CELF1: variants seen among roughly 807,000 people sequenced by gnomAD.
CELF1 encodes 50 kDa nuclear polyadenylated RNA-binding protein.
CELF1 carries 10 observed loss-of-function variants against 61.8 expected under a neutral mutation model. The observed-to-expected ratio is 0.16, with a 90% CI of 0.10 to 0.27. CELF1 has a LOEUF of 0.27. CELF1 is among the 10% of genes least tolerant of loss of function. CELF1 has a pLI of 1.00. For synonymous variants in CELF1, 236 were observed against 225.1 expected (o/e 1.05, Z -0.43); for missense variants, 380 against 639.1 (o/e 0.59, Z 4.37).
At chr11:47,479,799 A>G (rs1234335636) in intron 9 of CELF1, among the ~76,000 whole-genome samples, 3 of 152,150 alleles carry the variant, frequency 2.0e-5, no homozygotes, top group Non-Finnish European at 4.4e-5. Context: ...CCTTTTATTC[A>G]ACCTGTTTCC....
intron 1 of CELF1, among the ~76,000 whole-genome samples, chr11:47,532,051 GAC>G (rs1472554929): frequency 2.0e-5 from 3 of 149,070 alleles, no homozygotes; most frequent in Admixed American, 6.7e-5. Flanking sequence ...TTTTTTTTGA[GAC>G]AGAGTCTCGC....
intron 1 of CELF1, among the ~76,000 whole-genome samples, chr11:47,503,528 A>T (rs1203408419): frequency 6.6e-6 from 1 of 152,184 alleles, no homozygotes; most frequent in Non-Finnish European, 1.5e-5. Flanking sequence ...AATCACCATC[A>T]ATCTATATGA....
chr11:47,542,163 A>G (rs888850204), intron 1 of CELF1, among the ~76,000 whole-genome samples: 1 of 152,110 alleles, frequency 6.6e-6, no homozygotes, highest in Non-Finnish European at 1.5e-5. Context: ...TGAGGTCAGG[A>G]GTTCGAGACC....
rs1002122444 is a variant in CELF1, at chr11:47,471,725, C to G, written c.*505G>C. The G allele has an allele frequency of 6.5e-6, 1 of 152,992 alleles. No homozygotes were observed. Among genetic ancestry groups the G allele is most frequent in the Non-Finnish European group, 1.5e-5 (1 of 68,574 alleles). 9.5% of individuals were successfully genotyped at this position (152,992 alleles called of 1,614,324 possible). On this transcript the variant is annotated 3_prime_UTR_variant, in exon 15 of 15. Coordinates refer to ENST00000687097, the MANE Select transcript of CELF1 (RefSeq NM_001376376.1). ...CACTCCACTCTTCCCCAAAGCCGCT[C>G]TGCTCCCCACAGCTCCCAGGTGTCA...
intron 10 of CELF1, among the ~76,000 whole-genome samples, chr11:47,477,916 C>A (rs576861788): frequency 6.6e-5 from 10 of 152,288 alleles, no homozygotes; most frequent in Admixed American, 2.6e-4. Flanking sequence ...AAGACACTGT[C>A]ACTTGAATAG....
chr11:47,488,764 A>G (rs2089329411), intron 4 of CELF1, 73 bp downstream of exon 4: 6 of 1,229,346 alleles, frequency 4.9e-6, no homozygotes, highest in Non-Finnish European at 6.4e-6. Context: ...GTATCCTGTT[A>G]AAAACCCAAA....
intron 9 of CELF1, among the ~76,000 whole-genome samples, chr11:47,481,099 CTTCTTTTTTT>C (rs2082902518): frequency 8.0e-5 from 5 of 62,296 alleles, no homozygotes; most frequent in Non-Finnish European, 1.6e-4. Context: ...TTTTTTTCTT[CTTCTTTTTTT>C]TTTTTTTTTT....
intron 3 of CELF1, among the ~76,000 whole-genome samples, chr11:47,495,691 T>C (rs1447931234): frequency 2.0e-5 from 3 of 152,158 alleles, no homozygotes; most frequent in African/African-American, 4.8e-5. Context: ...GTCAGAAAGA[T>C]ACACTTTCTA....
intron 1 of CELF1, among the ~76,000 whole-genome samples, chr11:47,513,133 A>G (rs2095330553): frequency 6.6e-6 from 1 of 152,222 alleles, no homozygotes; most frequent in African/African-American, 2.4e-5. Context: ...TCTCTAAACA[A>G]GTTTTTAAAC....
chr11:47,474,585 T>G (rs896600922), intron 13 of CELF1, among the ~76,000 whole-genome samples: 5 of 152,250 alleles, frequency 3.3e-5, no homozygotes, highest in Admixed American at 2.6e-4. Flanking sequence ...TACATTCTCC[T>G]ACTACCACAT....
intron 1 of CELF1, among the ~76,000 whole-genome samples, chr11:47,564,677 G>A (rs2097238924): frequency 6.6e-6 from 1 of 151,994 alleles, no homozygotes; most frequent in Non-Finnish European, 1.5e-5. Flanking sequence ...TGTAATCCCA[G>A]CTACTCAGGA....
intron 3 of CELF1, among the ~76,000 whole-genome samples, chr11:47,492,489 G>T (rs1052578161): frequency 4.6e-5 from 7 of 152,172 alleles, no homozygotes; most frequent in Non-Finnish European, 1.0e-4. Flanking sequence ...AGCAACTGTG[G>T]GAGGCCGAGG....
At chr11:47,495,979 T>C (rs1393981490) in intron 3 of CELF1, 4 of 985,256 alleles carry the variant, frequency 4.1e-6, no homozygotes, top group African/African-American at 1.7e-5. Flanking sequence ...AAAATACTTG[T>C]TGCATTCCAA....
At chr11:47,499,667 C>G in intron 2 of CELF1, 63 bp from the exon 3 acceptor site, 1 of 642,102 alleles carries the variant, frequency 1.6e-6, no homozygotes, top group East Asian at 2.8e-5. Flanking sequence ...ATAAGTGCCA[C>G]AGAAAGAGGC....
intron 1 of CELF1, chr11:47,523,678 TAC>T (rs2096073930): frequency 6.6e-6 from 1 of 152,232 alleles, no homozygotes; most frequent in African/African-American, 2.4e-5. Context: ...CCTCATTGAC[TAC>T]AGTTACAAAT....
At chr11:47,538,768 A>G (rs899557805) in intron 1 of CELF1, among the ~76,000 whole-genome samples, 2 of 152,170 alleles carry the variant, frequency 1.3e-5, no homozygotes, top group Non-Finnish European at 2.9e-5. Context: ...ACAAACCAAA[A>G]TATCACAGGA....
chr11:47,530,599 G>C (rs760765079), intron 1 of CELF1, among the ~76,000 whole-genome samples: 3 of 152,106 alleles, frequency 2.0e-5, no homozygotes, highest in Non-Finnish European at 4.4e-5. Flanking sequence ...ATTAAGAAGC[G>C]GTATCAGAGA....
chr11:47,517,260 G>GAAAAAAAAAAAAAAAAAAAAAA (rs57071560), intron 1 of CELF1, among the ~76,000 whole-genome samples: 1 of 76,996 alleles, frequency 1.3e-5, no homozygotes, highest in Non-Finnish European at 3.1e-5. Context: ...AACAAACAGA[G>GAAAAAAAAAAAAAAAAAAAAAA]AAAAAAAAAA....
chr11:47,481,102 CTTTTTTTTTTTTTTT>C (rs1187959061), intron 9 of CELF1, among the ~76,000 whole-genome samples: 8 of 71,432 alleles, frequency 1.1e-4, no homozygotes, highest in African/African-American at 3.4e-4. Flanking sequence ...TTTTCTTCTT[CTTTTTTTTTTTTTTT>C]TTTTTTTTTT....
Sources: gnomAD v4.1 joint callset for allele counts (sites outside exome capture counted in the v4.1 genomes callset) on GRCh38, gnomAD v4.1.1 for gene constraint, MANE v1.5 for transcripts, NCBI Gene and HGNC (gene_info 2026-07-23, HGNC 2026-07-21) for gene names.